The following NOL4 variants were observed in gnomAD, a reference collection of about 807,000 sequenced individuals.
The protein encoded by NOL4 is cancer/testis antigen 125.
A neutral mutation model predicts 75.9 loss-of-function variants in NOL4; 17 were observed. The observed-to-expected ratio is 0.22, with a 90% confidence interval of 0.15 to 0.34. The LOEUF is 0.34. Ranked by LOEUF, NOL4 falls within the 10% of genes least tolerant of loss-of-function variation. The pLI is 1.00. For missense variants in NOL4, 614 were observed against 793.5 expected (o/e 0.77, Z 2.72); for synonymous variants, 292 against 289.9 (o/e 1.01, Z -0.07).
intron 1 of NOL4, among the ~76,000 whole-genome samples, chr18:34,132,514 T>C (rs940102479): frequency 2.6e-5 from 4 of 152,184 alleles, no homozygotes; most frequent in African/African-American, 9.7e-5. Flanking sequence ...AATTGTCTAT[T>C]ATCTTCTTGT....
In NOL4 at chr18:33,949,450, T is replaced by C. The variant is rs562680939; in HGVS notation, c.1429-6272A>G. Among the ~76,000 whole-genome samples, 185 of 152,184 alleles carry C rather than the reference T, an allele frequency of 1.2e-3. 3 individuals are homozygous for C. The South Asian group carries it at 0.037, about 30-fold the overall frequency. ...GGAACTGAGACCTGGAGTTGGAGGA[T>C]TGATCTTGGGTTGTGAGTTTTAAGA... On this transcript the variant is annotated intron_variant, in intron 8 of 10. Transcript: ENST00000261592.
chr18:34,109,933 A>G (rs975693331), intron 2 of NOL4, among the ~76,000 whole-genome samples: 2 of 151,834 alleles, frequency 1.3e-5, no homozygotes, highest in African/African-American at 4.8e-5. Context: ...AGAAATGTGC[A>G]GCATACCAAG....
At position 34,093,459 on chromosome 18, in the gene NOL4, G is replaced by C; in HGVS notation, c.772+6C>G. ...TTTGCTTATTTAGTCAAACTGAAAG[G>C]CTTACCATCTTGCTGGCCATGAAGA... is the stretch of plus-strand genomic sequence containing the variant. On this transcript the variant is annotated splice_donor_region_variant and intron_variant, in intron 5 of 10. Coordinates refer to ENST00000261592, the MANE Select transcript of NOL4 (RefSeq NM_003787.5). 1 of 1,575,556 alleles carries C rather than the reference G, an allele frequency of 6.3e-7. No homozygotes were observed.
At chr18:33,984,804 T>A (rs1476414084) in intron 6 of NOL4, among the ~76,000 whole-genome samples, 3 of 152,152 alleles carry the variant, frequency 2.0e-5, no homozygotes, top group Non-Finnish European at 1.5e-5. Flanking sequence ...TGGTCAATTT[T>A]ATCATTTGAA....
At chr18:34,205,499 T>A (rs138374444) in intron 1 of NOL4, among the ~76,000 whole-genome samples, 15 of 152,222 alleles carry the variant, frequency 9.9e-5, no homozygotes, top group African/African-American at 3.6e-4. Context: ...AGAATAGAGA[T>A]AATTGAATGC....
At chr18:34,189,502 T>C (rs142091732) in intron 1 of NOL4, among the ~76,000 whole-genome samples, 43 of 152,290 alleles carry the variant, frequency 2.8e-4, no homozygotes, top group African/African-American at 9.1e-4. Context: ...CAAAAATTCA[T>C]TGGGTGTTTA....
At chr18:34,211,357 G>C (rs1446483046) in intron 1 of NOL4, among the ~76,000 whole-genome samples, 1 of 152,140 alleles carries the variant, frequency 6.6e-6, no homozygotes, top group Non-Finnish European at 1.5e-5. Flanking sequence ...TGTAAACAGA[G>C]TGCTTAGAGA....
At chr18:33,868,544 T>C (rs1016298529) in intron 10 of NOL4, among the ~76,000 whole-genome samples, 2 of 151,998 alleles carry the variant, frequency 1.3e-5, no homozygotes, top group African/African-American at 4.8e-5. Flanking sequence ...CTAAGACATG[T>C]TCACTATAAC....
intron 9 of NOL4, among the ~76,000 whole-genome samples, chr18:33,930,669 A>G (rs960162073): frequency 2.0e-5 from 3 of 152,326 alleles, no homozygotes; most frequent in Admixed American, 2.0e-4. Flanking sequence ...AAAACTGATA[A>G]AAGCACACAT....
chr18:34,141,213 G>T (rs1454266632), intron 1 of NOL4, among the ~76,000 whole-genome samples: 1 of 152,150 alleles, frequency 6.6e-6, no homozygotes, highest in Non-Finnish European at 1.5e-5. Flanking sequence ...AACATTCCAT[G>T]CTCATGGATA....
intron 10 of NOL4, among the ~76,000 whole-genome samples, chr18:33,874,927 A>C (rs2063861337): frequency 6.6e-6 from 1 of 151,970 alleles, no homozygotes; most frequent in African/African-American, 2.4e-5. Context: ...CCAAATATTA[A>C]TGAAGAGCAA....
chr18:33,983,326 A>G lies in NOL4; in HGVS notation c.1057-24908T>C, dbSNP rs150230463. On this transcript the variant is annotated intron_variant, in intron 6 of 10. Transcript: ENST00000261592. ...CTGAGCATGAACCCTAATGTGAACT[A>G]TGGACTTTAAGTGATGATAACGTGT... Among the ~76,000 whole-genome samples, 69 of 152,172 alleles carry G rather than the reference A, an allele frequency of 4.5e-4. 1 individual carries two copies. In the East Asian group the frequency reaches 0.013, roughly 29 times the overall value.
chr18:33,916,595 G>A (rs886737342), intron 9 of NOL4, among the ~76,000 whole-genome samples: 6 of 152,120 alleles, frequency 3.9e-5, no homozygotes, highest in Middle Eastern at 3.2e-3. Flanking sequence ...AGAGAAGTCT[G>A]ATTACATAGT....
At chr18:33,930,487 G>C (rs2067613141) in intron 9 of NOL4, among the ~76,000 whole-genome samples, 1 of 152,030 alleles carries the variant, frequency 6.6e-6, no homozygotes. Context: ...TTCCTACATA[G>C]GGAAAAAGTC....
At chr18:33,986,975 T>C (rs546185485) in intron 6 of NOL4, among the ~76,000 whole-genome samples, 3 of 152,106 alleles carry the variant, frequency 2.0e-5, no homozygotes, top group Admixed American at 6.6e-5. Flanking sequence ...GGCAGAAATA[T>C]AGAGACAAAA....
intron 5 of NOL4, among the ~76,000 whole-genome samples, chr18:34,037,893 A>T (rs2075979098): frequency 6.6e-6 from 1 of 151,736 alleles, no homozygotes. Context: ...AAAGACAAAT[A>T]AGATTATACT....
chr18:33,958,625 A>T (rs1222742827), intron 6 of NOL4, among the ~76,000 whole-genome samples: 1 of 152,150 alleles, frequency 6.6e-6, no homozygotes, highest in East Asian at 1.9e-4. Context: ...GTTACATTGC[A>T]AGTACTTGTT....
At chr18:34,091,937 T>C (rs2078540948) in intron 5 of NOL4, among the ~76,000 whole-genome samples, 1 of 152,178 alleles carries the variant, frequency 6.6e-6, no homozygotes, top group African/African-American at 2.4e-5. Context: ...TATAGATTTA[T>C]ATCACAGCAG....
chr18:34,099,362 C>CAAAGAAAAAAAAAAAAAAAAAAAA (rs2078935765), intron 4 of NOL4, among the ~76,000 whole-genome samples: 1 of 80,092 alleles, frequency 1.2e-5, no homozygotes, highest in African/African-American at 5.1e-5. Context: ...GACTTTGTCT[C>CAAAGAAAAAAAAAAAAAAAAAAAA]AAAAAAAAAA....
Sources: allele counts gnomAD v4.1 joint callset (sites outside exome capture counted in the v4.1 genomes callset), GRCh38; gene constraint gnomAD v4.1.1; transcripts MANE v1.5; gene names NCBI Gene and HGNC (gene_info 2026-07-23, HGNC 2026-07-21).